The following CLDN16 variants were observed in gnomAD, a reference collection of about 807,000 sequenced individuals.
CLDN16 encodes claudin 16.
In CLDN16, 13 loss-of-function variants were observed where a neutral mutation model predicts 24.6. The observed-to-expected ratio is 0.53, with a 90% confidence interval of 0.34 to 0.84. CLDN16 has a LOEUF of 0.84. Among genes scored for constraint, CLDN16 ranks in the 40% least tolerant of loss-of-function variants. The pLI, the probability that CLDN16 is intolerant of heterozygous loss-of-function variation, is 0.01. For missense variants in CLDN16, 298 were observed against 292.7 expected, an observed-to-expected ratio of 1.02 and a Z score of -0.13; for synonymous variants, 116 against 106.7, an observed-to-expected ratio of 1.09 and a Z score of -0.54.
At chr3:190,319,380 G>A (rs900883556), upstream of CLDN16, among the ~76,000 whole-genome samples, 2 of 152,146 alleles carry the variant, frequency 1.3e-5, no homozygotes, top group Admixed American at 1.3e-4. Context: ...AATACACAAT[G>A]TGACATTTGT....
intron 1 of CLDN16, among the ~76,000 whole-genome samples, chr3:190,358,459 G>A (rs112491425): frequency 2.6e-5 from 4 of 152,024 alleles, no homozygotes; most frequent in Middle Eastern, 6.8e-3. Context: ...TCCCTCCTGA[G>A]TACAAACACA....
chr3:190,401,765 A>T (rs1260240438), intron 1 of CLDN16, among the ~76,000 whole-genome samples: 2 of 152,026 alleles, frequency 1.3e-5, no homozygotes, highest in African/African-American at 4.8e-5. Flanking sequence ...AATAAATAAG[A>T]CTTGGGGCCT....
chr3:190,379,199 A>C (rs1055254093), intron 3 of CLDN16, among the ~76,000 whole-genome samples: 5 of 152,060 alleles, frequency 3.3e-5, no homozygotes, highest in African/African-American at 1.2e-4. Flanking sequence ...AAAATTCTGA[A>C]GTGTACCTTG....
chr3:190,382,851 G>C (rs1189461395), intron 3 of CLDN16, among the ~76,000 whole-genome samples: 1 of 151,994 alleles, frequency 6.6e-6, no homozygotes, highest in Non-Finnish European at 1.5e-5. Context: ...GATAGTTGCC[G>C]ATCTCCTCAT....
intron 1 of CLDN16, among the ~76,000 whole-genome samples, chr3:190,343,714 T>A (rs1717487921): frequency 4.0e-5 from 6 of 151,744 alleles, no homozygotes; most frequent in Admixed American, 3.9e-4. Context: ...GAAAGAAAAA[T>A]ATCACATGAC....
chr3:190,387,821 G>A (rs1305146659), upstream of CLDN16: 2 of 410,106 alleles, frequency 4.9e-6, no homozygotes, highest in Admixed American at 3.7e-5. Context: ...AGTAGTCGGC[G>A]AATATTAAAA....
chr3:190,359,547 A>T (rs181274039), intron 1 of CLDN16, among the ~76,000 whole-genome samples: 7 of 152,192 alleles, frequency 4.6e-5, no homozygotes, highest in African/African-American at 1.7e-4. Context: ...TCTTTAGTCA[A>T]CTATCACCTA....
At chr3:190,351,230 C>A (rs1717666250) in intron 1 of CLDN16, among the ~76,000 whole-genome samples, 1 of 152,080 alleles carries the variant, frequency 6.6e-6, no homozygotes, top group South Asian at 2.1e-4. Flanking sequence ...ACCATGCTTT[C>A]TGGACAGGCT....
At chr3:190,360,868 A>G (rs777950489) in intron 1 of CLDN16, among the ~76,000 whole-genome samples, 1 of 151,986 alleles carries the variant, frequency 6.6e-6, no homozygotes, top group Non-Finnish European at 1.5e-5. Context: ...ATAATACTAT[A>G]GTACCTCACT....
At chr3:190,350,636 GA>G (rs1206407149) in intron 1 of CLDN16, among the ~76,000 whole-genome samples, 1 of 152,164 alleles carries the variant, frequency 6.6e-6, no homozygotes, top group Non-Finnish European at 1.5e-5. Flanking sequence ...GCAGCCATGA[GA>G]ATGCACCTTC....
Position 190,410,082 on chromosome 3 carries a change from A to G in CLDN16, c.*46A>G, listed in dbSNP as rs1207049107. 4 of 1,598,046 alleles carry G rather than the reference A, an allele frequency of 2.5e-6. No homozygotes were observed. Among genetic ancestry groups the G allele is most frequent in the Admixed American group, 1.7e-5 (1 of 59,990 alleles). ...TTTGCATATGATTTAATCAATCAGT[A>G]TGGTTACATTGATAAAATAGTAAGT... On this transcript the variant is annotated 3_prime_UTR_variant, in exon 5 of 5. Coordinates refer to ENST00000264734, the MANE Select transcript of CLDN16 (RefSeq NM_006580.4).
chr3:190,406,484 A>G (rs1289570878), intron 3 of CLDN16, among the ~76,000 whole-genome samples: 2 of 152,340 alleles, frequency 1.3e-5, no homozygotes, highest in South Asian at 4.1e-4. Context: ...CAAAACAAAT[A>G]GCATTTAAAA....
At chr3:190,375,140 CT>C (rs2108649645) in intron 3 of CLDN16, among the ~76,000 whole-genome samples, 1 of 152,032 alleles carries the variant, frequency 6.6e-6, no homozygotes, top group East Asian at 2.0e-4. Context: ...GTTTAAACTC[CT>C]GTTGGTGAGA....
At chr3:190,380,589 G>A (rs538370564) in intron 3 of CLDN16, among the ~76,000 whole-genome samples, 73 of 151,978 alleles carry the variant, frequency 4.8e-4, no homozygotes, top group Admixed American at 8.5e-4. Flanking sequence ...AAACTAAAGG[G>A]CTTTTGCACA....
rs184421862 is a variant in CLDN16, at chr3:190,366,646, C to T, written n.122-4247C>T. On this transcript the variant is annotated intron_variant and non_coding_transcript_variant, in intron 1 of 4. Coordinates refer to the CLDN16 transcript ENST00000468220. Reference sequence around the variant, plus strand: ...TACAAAAACACCTTGGCCAATCCCCCATGGAGCTCTGTGTTTGGGATGACC... The same window carrying T: ...TACAAAAACACCTTGGCCAATCCCCTATGGAGCTCTGTGTTTGGGATGACC... 3.0e-4 allele frequency among the ~76,000 whole-genome samples: 45 copies of T among 152,058 alleles called. 1 individual carries two copies. The highest frequency in any genetic ancestry group is 1.1e-3 in the African/African-American group (45 of 41,546).
At chr3:190,379,211 A>G (rs932443319) in intron 3 of CLDN16, among the ~76,000 whole-genome samples, 2 of 152,076 alleles carry the variant, frequency 1.3e-5, no homozygotes, top group African/African-American at 4.8e-5. Context: ...TGTACCTTGG[A>G]CTGAAACCAA....
chr3:190,382,730 C>T (rs1312912217), intron 3 of CLDN16, among the ~76,000 whole-genome samples: 2 of 152,112 alleles, frequency 1.3e-5, no homozygotes, highest in Non-Finnish European at 2.9e-5. Context: ...GGCCATCCAC[C>T]CATTATTTAA....
At chr3:190,360,795 A>G (rs935203197) in intron 1 of CLDN16, among the ~76,000 whole-genome samples, 4 of 149,102 alleles carry the variant, frequency 2.7e-5, no homozygotes, top group African/African-American at 7.4e-5. Flanking sequence ...TTTTGTTTTT[A>G]TGTGGTTGCT....
chr3:190,351,970 C>G lies in CLDN16; in HGVS notation n.122-18923C>G, dbSNP rs1212408272. Among the ~76,000 whole-genome samples, 3 of 152,026 alleles carry G rather than the reference C, an allele frequency of 2.0e-5. No homozygotes were observed. In the East Asian group the frequency reaches 5.8e-4, roughly 29 times the overall value. Reference sequence around the variant, plus strand: ...ATATCAGGGAGAGCTCTAGCAAGTACAGCAAAATGTTTTTCCTGGCTTGAA... The same window carrying G: ...ATATCAGGGAGAGCTCTAGCAAGTAGAGCAAAATGTTTTTCCTGGCTTGAA... On this transcript the variant is annotated intron_variant and non_coding_transcript_variant, in intron 1 of 4. Transcript: ENST00000468220.
Sources: allele counts gnomAD v4.1 joint callset (sites outside exome capture counted in the v4.1 genomes callset), GRCh38; gene constraint gnomAD v4.1.1; transcripts MANE v1.5; gene names NCBI Gene and HGNC (gene_info 2026-07-23, HGNC 2026-07-21).